CBX1: variants seen among roughly 807,000 people sequenced by gnomAD.
CBX1 encodes chromobox protein homolog 1.
In CBX1, 10 loss-of-function variants were observed where a neutral mutation model predicts 25.1. That is an observed-to-expected ratio of 0.40 (90% confidence interval 0.25 to 0.68). The LOEUF is 0.68. CBX1 is among the 30% of genes least tolerant of loss of function. The pLI, the probability that CBX1 is intolerant of heterozygous loss-of-function variation, is 0.40. For synonymous variants in CBX1, 63 were observed against 79.4 expected, an observed-to-expected ratio of 0.79 and a Z score of 1.10; for missense variants, 106 against 218.5, an observed-to-expected ratio of 0.49 and a Z score of 3.25.
chr17:48,101,033 A>G (rs964396875), intron 1 of CBX1: 21 of 985,628 alleles, frequency 2.1e-5, no homozygotes, highest in Non-Finnish European at 2.5e-5. Flanking sequence ...CCAAGCACTC[A>G]GTCTCTGGCT....
intron 1 of CBX1, among the ~76,000 whole-genome samples, chr17:48,083,735 A>G (rs1355970660): frequency 6.7e-6 from 1 of 149,968 alleles, no homozygotes; most frequent in African/African-American, 2.5e-5. Flanking sequence ...GAGGCAGGAG[A>G]ATCGCTGGAA....
intron 1 of CBX1, among the ~76,000 whole-genome samples, chr17:48,082,888 C>T (rs1161043833): frequency 2.4e-5 from 3 of 123,020 alleles, no homozygotes; most frequent in Admixed American, 8.5e-5. Context: ...TTTTTTGAGA[C>T]GGAATTTCGC....
chr17:48,085,687 T>C (rs1051479073), intron 1 of CBX1, among the ~76,000 whole-genome samples: 6 of 152,168 alleles, frequency 3.9e-5, no homozygotes, highest in African/African-American at 1.4e-4. Flanking sequence ...GTCTTTTAAA[T>C]TGACAAGTGC....
rs2037659144 is a variant in CBX1, at chr17:48,074,851, G to A, written c.413+155C>T. ...TACCTGTAACTCATGAGTCCAGGGT[G>A]GCAGTCAGGCCGAGGGTCACTATCG... is the stretch of plus-strand genomic sequence containing the variant. On this transcript the variant is annotated intron_variant, in intron 4 of 4. Transcript: ENST00000225603. The A allele has an allele frequency of 1.5e-5, 10 of 663,680 alleles. 1 individual carries two copies. In the Admixed American group the frequency reaches 1.7e-4, roughly 11 times the overall value. 41.1% of individuals were successfully genotyped at this position (663,680 alleles called of 1,614,324 possible).
At chr17:48,078,337 C>T (rs1331778219) in intron 1 of CBX1, among the ~76,000 whole-genome samples, 2 of 151,960 alleles carry the variant, frequency 1.3e-5, no homozygotes, top group East Asian at 1.9e-4. Flanking sequence ...TGACTACCGG[C>T]GCCCGCCACC....
At chr17:48,087,709 T>C (rs889880367) in intron 1 of CBX1, among the ~76,000 whole-genome samples, 1 of 151,352 alleles carries the variant, frequency 6.6e-6, no homozygotes, top group African/African-American at 2.4e-5. Context: ...CTGTCTCTAG[T>C]AAAAACACAA....
chr17:48,100,838 A>G (rs2063405174), intron 1 of CBX1: 8 of 985,678 alleles, frequency 8.1e-6, no homozygotes, highest in Non-Finnish European at 9.6e-6. Flanking sequence ...TGGCAGTCCC[A>G]GCCGGACCCG....
At chr17:48,100,643 T>C in intron 1 of CBX1, 2 of 823,768 alleles carry the variant, frequency 2.4e-6, no homozygotes, top group Non-Finnish European at 2.9e-6. Flanking sequence ...CCGCCCTACT[T>C]ATCCTAACAG....
chr17:48,084,779 G>A (rs1370523293), intron 1 of CBX1, among the ~76,000 whole-genome samples: 2 of 149,720 alleles, frequency 1.3e-5, no homozygotes, highest in Non-Finnish European at 2.9e-5. Flanking sequence ...GCGTGATGGC[G>A]GGCACCTGTA....
intron 1 of CBX1, among the ~76,000 whole-genome samples, chr17:48,094,758 G>A (rs9890850): frequency 0.16 from 23,941 of 145,408 alleles, 2,636 homozygotes; most frequent in African/African-American, 0.31. Flanking sequence ...AAAAAAAAGT[G>A]TGCTCCTGAC....
At chr17:48,092,452 A>ATC (rs112819713) in intron 1 of CBX1, among the ~76,000 whole-genome samples, 1 of 145,710 alleles carries the variant, frequency 6.9e-6, no homozygotes, top group Middle Eastern at 3.2e-3. Context: ...GCAAGACTCC[A>ATC]TCTCTCTCTC....
chr17:48,100,626 G>C (rs1041205027), intron 1 of CBX1: 2 of 675,030 alleles, frequency 3.0e-6, no homozygotes, highest in East Asian at 1.4e-4. Context: ...AAATATTCTC[G>C]GGATCTCCGC....
intron 4 of CBX1, among the ~76,000 whole-genome samples, chr17:48,072,318 G>A (rs9905800): frequency 0.16 from 24,481 of 151,988 alleles, 2,680 homozygotes; most frequent in African/African-American, 0.3. Flanking sequence ...GCCCGTAATA[G>A]GATTAAATAC....
chr17:48,077,458 T>TTG (rs2037688708), intron 1 of CBX1, among the ~76,000 whole-genome samples: 3 of 144,642 alleles, frequency 2.1e-5, no homozygotes, highest in African/African-American at 7.7e-5. Flanking sequence ...TTTTTTGTTT[T>TTG]TTTTTTTTTA....
Position 48,101,151 on chromosome 17 carries a change from G to A in CBX1, c.-38+117C>T, listed in dbSNP as rs939007317. The A allele has an allele frequency of 1.2e-5, 12 of 986,650 alleles. No homozygotes were observed. The African/African-American group carries it at 2.1e-4, about 17-fold the overall frequency. The allele number at this position is 986,650 out of a possible 1,614,324, so 61.1% of individuals were successfully genotyped here. On this transcript the variant is annotated intron_variant, in intron 1 of 4. Coordinates refer to ENST00000225603, the MANE Select transcript of CBX1 (RefSeq NM_001127228.2). ...GCGGAGAAGCAGGACGCTGGACCCG[G>A]GCGCGCTCCCCGCTCCTAACCTCCG...
chr17:48,080,151 C>T (rs1171353093), intron 1 of CBX1, among the ~76,000 whole-genome samples: 5 of 152,098 alleles, frequency 3.3e-5, no homozygotes, highest in Non-Finnish European at 7.4e-5. Flanking sequence ...ATTCTCATGC[C>T]TCAGCCTCCT....
chr17:48,076,750 C>A, intron 2 of CBX1, 115 bp downstream of exon 2: 1 of 849,462 alleles, frequency 1.2e-6, no homozygotes, highest in Non-Finnish European at 1.8e-6. Context: ...AACAATAAGC[C>A]ATGAAGGTGG....
intron 1 of CBX1, among the ~76,000 whole-genome samples, chr17:48,083,081 G>A (rs2037754670): frequency 6.7e-6 from 1 of 149,196 alleles, no homozygotes; most frequent in Non-Finnish European, 1.5e-5. Context: ...GGTCAGGCTG[G>A]TCTTGAACTC....
chr17:48,080,491 C>T (rs1199576441), intron 1 of CBX1, among the ~76,000 whole-genome samples: 2 of 151,926 alleles, frequency 1.3e-5, no homozygotes, highest in Non-Finnish European at 2.9e-5. Context: ...GTTACGTCTC[C>T]GCTTGAGTTT....
Sources: allele counts gnomAD v4.1 joint callset (sites outside exome capture counted in the v4.1 genomes callset), GRCh38; gene constraint gnomAD v4.1.1; transcripts MANE v1.5; gene names NCBI Gene and HGNC (gene_info 2026-07-23, HGNC 2026-07-21).